The following DRC12 variants were observed in gnomAD, a reference collection of about 807,000 sequenced individuals.
DRC12 encodes dynein regulatory complex subunit 12 homolog, also known as dynein regulatory complex protein 12.
the DRC12 span, chr11:119,190,676 C>A: frequency 1.2e-6 from 2 of 1,603,052 alleles, no homozygotes; most frequent in East Asian, 2.2e-5. The surrounding 1 kb of genome is among the most constrained non-coding windows in gnomAD (Gnocchi z 4.2). Context: ...GTCCTGGGTA[C>A]TGGGATGGCT....
chr11:119,193,271 G>A, the DRC12 span: 2 of 1,592,616 alleles, frequency 1.3e-6, no homozygotes, highest in African/African-American at 2.7e-5. Flanking sequence ...GGCCACCAGG[G>A]ACCCAGGTTG....
At chr11:119,195,423 C>A in the DRC12 span, 2 of 1,551,202 alleles carry the variant, frequency 1.3e-6, no homozygotes, top group Non-Finnish European at 8.7e-7. Flanking sequence ...CCATGACTCA[C>A]CCCAGTTCTT....
chr11:119,192,575 A>G, the DRC12 span, among the ~76,000 whole-genome samples: 1 of 152,232 alleles, frequency 6.6e-6, no homozygotes, highest in Non-Finnish European at 1.5e-5. Flanking sequence ...CACAAGAGAC[A>G]TGGCAGTGGT....
the DRC12 span, chr11:119,190,375 G>A: frequency 6.2e-7 from 1 of 1,613,830 alleles, no homozygotes; most frequent in South Asian, 1.1e-5. The surrounding 1 kb of genome is among the most constrained non-coding windows in gnomAD (Gnocchi z 4.2). Context: ...CCTTGTGCCT[G>A]GCGTGAAGTC....
At chr11:119,190,887 C>T in the DRC12 span, 7 of 1,586,500 alleles carry the variant, frequency 4.4e-6, no homozygotes, top group Non-Finnish European at 6.0e-6. The surrounding 1 kb of genome is among the most constrained non-coding windows in gnomAD (Gnocchi z 4.2). Context: ...ACACTCTATC[C>T]TTGACCAGTC....
chr11:119,193,255 G>A, the DRC12 span: 2 of 1,611,694 alleles, frequency 1.2e-6, no homozygotes. Context: ...TGGGGTGGGG[G>A]CAGTGGGCCA....
chr11:119,194,812 G>C, the DRC12 span: 22 of 655,414 alleles, frequency 3.4e-5, no homozygotes, highest in Non-Finnish European at 5.3e-5. Flanking sequence ...GGGATGGTTA[G>C]GGTCAACTTA....
At chr11:119,190,591 C>T in the DRC12 span, 1 of 1,545,788 alleles carries the variant, frequency 6.5e-7, no homozygotes, top group Non-Finnish European at 8.8e-7. The surrounding 1 kb of genome is among the most constrained non-coding windows in gnomAD (Gnocchi z 4.2). Flanking sequence ...GAGCAGGGCT[C>T]CCTTGGAGAC....
chr11:119,194,212 T>C, the DRC12 span, among the ~76,000 whole-genome samples: 1 of 151,776 alleles, frequency 6.6e-6, no homozygotes, highest in Non-Finnish European at 1.5e-5. Flanking sequence ...GAGTGAGACC[T>C]TGTCTCTATA....
the DRC12 span, chr11:119,195,645 G>C: frequency 1.6e-6 from 1 of 631,022 alleles, no homozygotes. Flanking sequence ...TGGAACCTCA[G>C]ACAGGGTTGG....
At chr11:119,191,965 T>C in the DRC12 span, among the ~76,000 whole-genome samples, 3 of 143,766 alleles carry the variant, frequency 2.1e-5, no homozygotes, top group African/African-American at 7.9e-5. Context: ...CATCTATAGC[T>C]AAACCGAAGG....
chr11:119,193,108 G>A, the DRC12 span: 1 of 1,539,238 alleles, frequency 6.5e-7, no homozygotes, highest in South Asian at 1.1e-5. Context: ...GGCCCTTGCT[G>A]CAACTCTTGG....
the DRC12 span, chr11:119,195,448 C>T: frequency 6.4e-7 from 1 of 1,551,434 alleles, no homozygotes; most frequent in Non-Finnish European, 8.7e-7. Context: ...TTCTTCTGTG[C>T]CCCAGATTTC....
the DRC12 span, chr11:119,195,082 T>C: frequency 2.6e-6 from 3 of 1,160,786 alleles, no homozygotes; most frequent in African/African-American, 1.5e-5. Flanking sequence ...CCTGCACTTT[T>C]GCCACAGCAG....
the DRC12 span, chr11:119,194,999 G>T: frequency 3.5e-5 from 55 of 1,550,326 alleles, no homozygotes; most frequent in African/African-American, 5.8e-4. Flanking sequence ...CTGCACCTGC[G>T]GTGGCAAGTG....
At chr11:119,190,782 C>A in the DRC12 span, 1 of 1,614,028 alleles carries the variant, frequency 6.2e-7, no homozygotes, top group Non-Finnish European at 8.5e-7. The surrounding 1 kb of genome is among the most constrained non-coding windows in gnomAD (Gnocchi z 4.2). Flanking sequence ...CCTGGTCCCG[C>A]TCTCCGAGAG....
chr11:119,194,364 T>G, the DRC12 span, among the ~76,000 whole-genome samples: 1 of 151,462 alleles, frequency 6.6e-6, no homozygotes, highest in African/African-American at 2.4e-5. Flanking sequence ...AATACAAAAA[T>G]TAGCCAGGTG....
chr11:119,191,340 C>T, the DRC12 span, among the ~76,000 whole-genome samples: 1 of 151,526 alleles, frequency 6.6e-6, no homozygotes, highest in Non-Finnish European at 1.5e-5. Flanking sequence ...CCTTGTGATC[C>T]GCCCGCCTCG....
At chr11:119,190,541 A>G in the DRC12 span, 1 of 1,579,890 alleles carries the variant, frequency 6.3e-7, no homozygotes, top group South Asian at 1.1e-5. The surrounding 1 kb of genome is among the most constrained non-coding windows in gnomAD (Gnocchi z 4.2). Context: ...TTCCTTGCCC[A>G]GTAGACATGG....
Sources: gnomAD v4.1 joint callset for allele counts (sites outside exome capture counted in the v4.1 genomes callset) on GRCh38, gnomAD v4.1.1 for gene constraint, Gnocchi (gnomAD v3.1) non-coding constraint, MANE v1.5 for transcripts, NCBI Gene and HGNC (gene_info 2026-07-23, HGNC 2026-07-21) for gene names.